Variants in IFITM5 observed in about 807,000 individuals in gnomAD.
IFITM5 encodes the protein interferon-induced transmembrane protein 5.
A neutral mutation model predicts 9.2 loss-of-function variants in IFITM5; 10 were observed. The ratio of observed to expected loss-of-function variants is 1.09; its 90% CI spans 0.67 to 1.85. IFITM5 has a LOEUF of 1.85. Among genes scored for constraint, IFITM5 ranks in the 40% most tolerant of loss-of-function variants. IFITM5 has a pLI of 0.00. For missense variants in IFITM5, 225 were observed against 182.6 expected, an observed-to-expected ratio of 1.23 and a Z score of -1.34; for synonymous variants, 93 against 86.6, an observed-to-expected ratio of 1.07 and a Z score of -0.41.
In IFITM5 at chr11:298,587, C is replaced by T. The variant is rs770208487; in HGVS notation, c.313G>A (p.Val105Met). 6.2e-7 allele frequency: 1 copy of T among 1,613,584 alleles called. No homozygotes were observed. Among genetic ancestry groups the T allele is most frequent in the South Asian group, 1.1e-5 (1 of 91,078 alleles). Residue 105 changes from valine to methionine, a missense_variant, in exon 2 of 2, where the codon GTG (valine) becomes ATG (methionine). Transcript: ENST00000382614. Reference sequence around the variant, plus strand: ...CGGGCCAGGTGCAGGGCACCAGTCACCACCAGCCCCAGGAGCAGCAGTGGC... The same window carrying T: ...CGGGCCAGGTGCAGGGCACCAGTCATCACCAGCCCCAGGAGCAGCAGTGGC... ...VPPLLLLGLV[V>M]TGALHLARLA...
At position 299,387 on chromosome 11, in the gene IFITM5, T is replaced by G. The variant is rs1011303178; in HGVS notation, c.104A>C (p.Asp35Ala). The change falls in exon 1 of 2, where the codon GAC becomes GCC. Residue 35 changes from aspartate (D) to alanine (A), a missense_variant. Coordinates refer to ENST00000382614, the MANE Select transcript of IFITM5 (RefSeq NM_001025295.3). ...TLGAPHPPPR[D>A]HLIWSVFSTL... is the part of the protein sequence containing the mutation. ...GCTGAACACCGACCAGATCAAGTGGTCTCGAGGCGGGGGGTGCGGGGCCCC... is the reference window on the plus strand; with the variant it reads ...GCTGAACACCGACCAGATCAAGTGGGCTCGAGGCGGGGGGTGCGGGGCCCC... 4 of 1,582,510 alleles carry G rather than the reference T, an allele frequency of 2.5e-6. No individual in the cohort carries two copies. Among genetic ancestry groups the G allele is most frequent in the Non-Finnish European group, 3.4e-6 (4 of 1,165,544 alleles).
rs1845886952 is a variant in IFITM5 at position 298,210 on chromosome 11, C to T, written c.*291G>A. 4.5e-6 allele frequency: 2 copies of T among 448,640 alleles called. No individual in the cohort carries two copies. The highest frequency in any genetic ancestry group is 8.1e-6 in the Non-Finnish European group (2 of 247,450). The allele number at this position is 448,640 out of a possible 1,614,324, so 27.8% of individuals were successfully genotyped here. A position where few individuals can be genotyped will look rare whatever the true frequency, so the allele number is the denominator to read the frequency against. On this transcript the variant is annotated 3_prime_UTR_variant, in exon 2 of 2. Transcript: ENST00000382614. ...GAGGCCAGGAGGCACTTTCTGGAACCAGGCACTTTTAATCGTGGAACCGAG... is the reference window on the plus strand; with the variant it reads ...GAGGCCAGGAGGCACTTTCTGGAACTAGGCACTTTTAATCGTGGAACCGAG...
Position 298,580 on chromosome 11 carries a change from C to G in IFITM5, c.320G>C (p.Gly107Ala), listed in dbSNP as rs759862448. The G allele has an allele frequency of 6.2e-7, 1 of 1,613,520 alleles. No individual in the cohort carries two copies. The highest frequency in any genetic ancestry group is 1.7e-5 in the Admixed American group (1 of 60,026). ...GGCCAGCCGGGCCAGGTGCAGGGCA[C>G]CAGTCACCACCAGCCCCAGGAGCAG... ...PLLLLGLVVT[G>A]ALHLARLAKD... The change falls in exon 2 of 2, where the codon GGT becomes GCT. Residue 107 changes from glycine to alanine, a missense_variant. Physicochemically the swap from Gly to Ala is moderately conservative, Grantham distance 60. Coordinates refer to ENST00000382614, the MANE Select transcript of IFITM5 (RefSeq NM_001025295.3).
At chr11:299,242 C>T in intron 1 of IFITM5, 63 bp downstream of exon 1, 24 of 1,372,154 alleles carry the variant, frequency 1.7e-5, no homozygotes, top group Non-Finnish European at 2.4e-5. Flanking sequence ...ATCCCTCCCC[C>T]TTCCCCCCAC....
At chr11:299,094 A>G (rs1340881674) in intron 1 of IFITM5, among the ~76,000 whole-genome samples, 1 of 151,602 alleles carries the variant, frequency 6.6e-6, no homozygotes, top group African/African-American at 2.4e-5. Context: ...AGACCCCGTT[A>G]AGAAGAGGCC....
intron 1 of IFITM5, 112 bp downstream of exon 1, chr11:299,193 C>T (rs968729534): frequency 1.6e-5 from 14 of 856,576 alleles, no homozygotes; most frequent in Admixed American, 6.3e-5. Context: ...GAGCCCCCCG[C>T]GGCCCCCAGC....
rs751820661 is a variant in IFITM5, at chr11:299,410, C to T, written c.81G>A (p.Gly27=). The T allele has an allele frequency of 1.9e-5, 30 of 1,565,494 alleles. No homozygotes were observed. In the Middle Eastern group the frequency reaches 5.1e-4, roughly 26 times the overall value. Residue 27 remains glycine, a synonymous_variant, in exon 1 of 2, where the codon GGG becomes GGA. Transcript: ENST00000382614. ...GGTCTCGAGGCGGGGGGTGCGGGGC[C>T]CCCAGTGTGAGGGCTGTGTGGGCAC... ...KAGAHTALTL[G]APHPPPRDHL...
At position 299,390 on chromosome 11, in the gene IFITM5, C is replaced by A; in HGVS notation, c.101G>T (p.Arg34Leu). 6.3e-7 allele frequency: 1 copy of A among 1,579,878 alleles called. No homozygotes were observed. The highest frequency in any genetic ancestry group is 2.4e-5 in the East Asian group (1 of 42,384). ...LTLGAPHPPP[R>L]DHLIWSVFST... ...GAACACCGACCAGATCAAGTGGTCTCGAGGCGGGGGGTGCGGGGCCCCCAG... is the reference window on the plus strand; with the variant it reads ...GAACACCGACCAGATCAAGTGGTCTAGAGGCGGGGGGTGCGGGGCCCCCAG... The change falls in exon 1 of 2, where the codon CGA (arginine) becomes CTA (leucine). Residue 34 changes from arginine (R) to leucine (L), a missense_variant. Physicochemically the swap from Arg to Leu is moderately radical, Grantham distance 102. Transcript: ENST00000382614.
At chr11:298,857 T>C in intron 1 of IFITM5, 144 bp from the exon 2 acceptor site, 8 of 807,118 alleles carry the variant, frequency 9.9e-6, no homozygotes, top group Non-Finnish European at 1.5e-5. Flanking sequence ...GAGATACTCC[T>C]TGGGGCCCCA....
chr11:298,739 C>G, intron 1 of IFITM5, 26 bp from the exon 2 acceptor site: 1 of 1,605,296 alleles, frequency 6.2e-7, no homozygotes, highest in Non-Finnish European at 8.5e-7. Context: ...ACCACAGGGC[C>G]AGATCTCTAT....
At position 298,601 on chromosome 11, in the gene IFITM5, AGCAGCAGTGGCG is replaced by A. The variant is rs747783411; in HGVS notation, c.287_298del (p.Pro96_Leu99del). ...GGCACCAGTCACCACCAGCCCCAGG[AGCAGCAGTGGCG>A]GCACCAGCGTCCACATCGCGGCCAG... On this transcript the variant is annotated inframe_deletion, in exon 2 of 2. Transcript: ENST00000382614. 4.3e-5 allele frequency: 70 copies of A among 1,613,510 alleles called. No homozygotes were observed. In the Admixed American group the frequency reaches 1.2e-3, roughly 27 times the overall value.
Position 298,371 on chromosome 11 carries a change from A to G in IFITM5, c.*130T>C. ...CATGTTGGGGCTGGAGGGCCCCAGG[A>G]TCAGGATGGGGCAGGGATGGAGGCC... On this transcript the variant is annotated 3_prime_UTR_variant, in exon 2 of 2. Transcript: ENST00000382614. 1.0e-6 allele frequency: 1 copy of G among 999,806 alleles called. No homozygotes were observed. Among genetic ancestry groups the G allele is most frequent in the Non-Finnish European group, 1.5e-6 (1 of 689,514 alleles). The allele number at this position is 999,806 out of a possible 1,614,324, so 61.9% of individuals were successfully genotyped here.
At position 298,298 on chromosome 11, in the gene IFITM5, G is replaced by C. The variant is rs149533423; in HGVS notation, c.*203C>G. 1 of 599,694 alleles carries C rather than the reference G, an allele frequency of 1.7e-6. No homozygotes were observed. The highest frequency in any genetic ancestry group is 2.9e-6 in the Non-Finnish European group (1 of 339,460). 37.1% of individuals were successfully genotyped at this position (599,694 alleles called of 1,614,324 possible). A position where few individuals can be genotyped will look rare whatever the true frequency, so the allele number is the denominator to read the frequency against. On this transcript the variant is annotated 3_prime_UTR_variant, in exon 2 of 2. Coordinates refer to ENST00000382614, the MANE Select transcript of IFITM5 (RefSeq NM_001025295.3). Reference sequence around the variant, plus strand: ...GCAGAGTTAGGGCCCGGGAACTCTCGGGTTAGGGTGAAGACCCCGGGGTCT... The same window carrying C: ...GCAGAGTTAGGGCCCGGGAACTCTCCGGTTAGGGTGAAGACCCCGGGGTCT...
chr11:298,558 C>T lies in IFITM5; in HGVS notation c.342G>A (p.Leu114=), dbSNP rs1427190033. 2 of 1,613,214 alleles carry T rather than the reference C, an allele frequency of 1.2e-6. No individual in the cohort carries two copies. The highest frequency in any genetic ancestry group is 2.2e-5 in the East Asian group (1 of 44,882). Reference sequence around the variant, plus strand: ...TGAAGAAGGCGGCAGAGTCCTTGGCCAGCCGGGCCAGGTGCAGGGCACCAG... The same window carrying T: ...TGAAGAAGGCGGCAGAGTCCTTGGCTAGCCGGGCCAGGTGCAGGGCACCAG... ...VVTGALHLAR[L]AKDSAAFFST... The change falls in exon 2 of 2, where the codon CTG becomes CTA. Residue 114 remains leucine, a synonymous_variant. Transcript: ENST00000382614.
At position 299,404 on chromosome 11, in the gene IFITM5, C is replaced by T. The variant is rs372443030; in HGVS notation, c.87G>A (p.Pro29=). The T allele has an allele frequency of 1.4e-3, 2,113 of 1,562,274 alleles. 3 individuals are homozygous for T. Among genetic ancestry groups the T allele is most frequent in the South Asian group, 4.9e-3 (412 of 84,454 alleles). Residue 29 remains proline (P), a synonymous_variant, in exon 1 of 2, where the codon CCG becomes CCA. Transcript: ENST00000382614. ...TCAAGTGGTCTCGAGGCGGGGGGTG[C>T]GGGGCCCCCAGTGTGAGGGCTGTGT... ...GAHTALTLGA[P]HPPPRDHLIW...
intron 1 of IFITM5, 107 bp from the exon 2 acceptor site, chr11:298,820 A>C: frequency 9.3e-7 from 1 of 1,076,732 alleles, no homozygotes. Context: ...CTGCACCCAA[A>C]ATCTGGATGG....
intron 1 of IFITM5, 62 bp from the exon 2 acceptor site, chr11:298,775 C>A: frequency 6.8e-7 from 1 of 1,479,362 alleles, no homozygotes; most frequent in Admixed American, 1.9e-5. Context: ...GGGGGCCCTT[C>A]CCCACCCACA....
chr11:299,499 G>A lies in IFITM5; in HGVS notation c.-9C>T. The A allele has an allele frequency of 6.8e-7, 1 of 1,462,126 alleles. No homozygotes were observed. 90.6% of individuals were successfully genotyped at this position (1,462,126 alleles called of 1,614,324 possible). On this transcript the variant is annotated 5_prime_UTR_variant, in exon 1 of 2. Transcript: ENST00000382614. ...GGATACGCCGTGTCCATGGGTTCCA[G>A]CGCCGTCTCTTCCACACTCAGACTG...
rs1845887520 is a variant in IFITM5, at chr11:298,260, G to A, written c.*241C>T. On this transcript the variant is annotated 3_prime_UTR_variant, in exon 2 of 2. Transcript: ENST00000382614. ...GGGGCCTGGAGTGTGAGGAGGGAGG[G>A]GCAGGATCGGGGGCAGAGTTAGGGC... 3.5e-6 allele frequency: 2 copies of A among 564,650 alleles called. No homozygotes were observed. The highest frequency in any genetic ancestry group is 3.1e-5 in the Admixed American group (1 of 31,960). 35.0% of individuals were successfully genotyped at this position (564,650 alleles called of 1,614,324 possible).
Sources: gnomAD v4.1 joint callset for allele counts (sites outside exome capture counted in the v4.1 genomes callset) on GRCh38, gnomAD v4.1.1 for gene constraint, MANE v1.5 for transcripts, NCBI Gene and HGNC (gene_info 2026-07-23, HGNC 2026-07-21) for gene names.